Variants in SMN2 observed in about 807,000 individuals in gnomAD.
SMN2 encodes survival motor neuron protein.
In SMN2, 1 loss-of-function variant was observed where a neutral mutation model predicts 2.8. The ratio of observed to expected loss-of-function variants is 0.35; its 90% CI spans 0.13 to 1.68. SMN2 has a LOEUF of 1.68. SMN2 is among the 40% of genes most tolerant of loss of function. The probability of loss-of-function intolerance (pLI) is 0.35; values close to 1 mark genes in which losing one functional copy is unlikely to be tolerated. For synonymous variants in SMN2, 5 were observed against 5.0 expected (o/e 0.99, Z 0.01); for missense variants, 12 against 16.9 (o/e 0.71, Z 0.51).
Position 70,051,915 on chromosome 5 carries a change from G to A in SMN2, c.81+2149G>A, listed in dbSNP as rs1356871852. On this transcript the variant is annotated intron_variant, in intron 1 of 8. Transcript: ENST00000380743. The stretch of plus-strand genomic sequence containing the variant: ...TAAGAAAGGAAGTGAGAGGCCGGGC[G>A]CGGTGGCTCACGCCTGTAATCCCAG... Among the ~76,000 whole-genome samples the A allele has an allele frequency of 2.8e-4, 3 of 10,772 alleles. No individual in the cohort carries two copies. The South Asian group carries it at 6.1e-3, about 22-fold the overall frequency. 7.1% of individuals were successfully genotyped at this position (10,772 alleles called of 152,430 possible). A position where few individuals can be genotyped will look rare whatever the true frequency, so the allele number is the denominator to read the frequency against.
downstream of SMN2, among the ~76,000 whole-genome samples, chr5:70,079,477 C>T (rs551356189): frequency 9.8e-4 from 146 of 148,306 alleles, no homozygotes; most frequent in Middle Eastern, 0.01. Flanking sequence ...AACTCTGGGC[C>T]AGGCACGGTG....
the SMN2 span, among the ~76,000 whole-genome samples, chr5:70,088,753 T>TA: frequency 2.7e-5 from 2 of 73,542 alleles, no homozygotes; most frequent in South Asian, 5.1e-4. Flanking sequence ...TGGAACTTCT[T>TA]AGAGACTAGA....
At chr5:70,084,434 G>C in the SMN2 span, among the ~76,000 whole-genome samples, 9 of 130,430 alleles carry the variant, frequency 6.9e-5, no homozygotes, top group Non-Finnish European at 1.4e-4. Context: ...TGATCTGCTC[G>C]CCTTGGCCTC....
chr5:70,082,133 G>A (rs7705237), downstream of SMN2, among the ~76,000 whole-genome samples: 3,417 of 130,398 alleles, frequency 0.026, 613 homozygotes, highest in African/African-American at 0.11. Context: ...TGTGGTTTTT[G>A]TCTTTGGTTC....
downstream of SMN2, among the ~76,000 whole-genome samples, chr5:70,081,933 C>G (rs1312736896): frequency 9.3e-5 from 9 of 96,982 alleles, 1 homozygote; most frequent in African/African-American, 4.7e-4. Context: ...GCATCCCTGT[C>G]TTGTGCGTGT....
chr5:70,074,717 G>A lies in SMN2; in HGVS notation c.835-1804G>A, dbSNP rs1354564874. On this transcript the variant is annotated intron_variant, in intron 7 of 8. Transcript: ENST00000380743. Reference sequence around the variant, plus strand: ...TACTGAAAGAAGAAAAATCAGCTGGGCGCAGTGGCTCACGCCGGTAATCCC... The same window carrying A: ...TACTGAAAGAAGAAAAATCAGCTGGACGCAGTGGCTCACGCCGGTAATCCC... Among the ~76,000 whole-genome samples, 3 of 128,122 alleles carry A rather than the reference G, an allele frequency of 2.3e-5. 1 individual carries two copies. Among genetic ancestry groups the A allele is most frequent in the Admixed American group, 8.0e-5 (1 of 12,496 alleles). 84.1% of individuals were successfully genotyped at this position (128,122 alleles called of 152,430 possible).
Position 70,076,503 on chromosome 5 carries a change from C to A in SMN2, c.835-18C>A. ...TCTATATAGCTATTTTTTTTAACTT[C>A]CTTTATTTTCCTTACAGGGTTTTAG... is the stretch of plus-strand genomic sequence containing the variant. On this transcript the variant is annotated intron_variant, in intron 7 of 8. Transcript: ENST00000380743. 7.0e-7 allele frequency: 1 copy of A among 1,436,486 alleles called. No individual in the cohort carries two copies. Among genetic ancestry groups the A allele is most frequent in the Non-Finnish European group, 9.5e-7 (1 of 1,055,816 alleles). 89.0% of individuals were successfully genotyped at this position (1,436,486 alleles called of 1,614,324 possible). A position where few individuals can be genotyped will look rare whatever the true frequency, so the allele number is the denominator to read the frequency against.
chr5:70,071,520 T>TA (rs1478358315), intron 7 of SMN2: 26 of 105,512 alleles, frequency 2.5e-4, no homozygotes, highest in African/African-American at 1.0e-3. Flanking sequence ...TATTTTATTT[T>TA]TTTTTTTTTT....
downstream of SMN2, among the ~76,000 whole-genome samples, chr5:70,079,590 C>T (rs1774826282): frequency 7.3e-6 from 1 of 137,544 alleles, no homozygotes. Context: ...ACCCCTGACT[C>T]TACAAAACAT....
downstream of SMN2, among the ~76,000 whole-genome samples, chr5:70,082,154 C>T (rs1309605678): frequency 2.7e-3 from 341 of 127,486 alleles, no homozygotes; most frequent in Middle Eastern, 0.011. Flanking sequence ...TGTTTATATG[C>T]TGGATTACAT....
In SMN2 at chr5:70,075,861, A is replaced by T. The variant is rs1213344842; in HGVS notation, c.835-660A>T. 2.9e-4 allele frequency among the ~76,000 whole-genome samples: 31 copies of T among 107,676 alleles called. 1 individual carries two copies. In the East Asian group the frequency reaches 3.6e-3, roughly 13 times the overall value. The allele number at this position is 107,676 out of a possible 152,430, so 70.6% of individuals were successfully genotyped here. A position where few individuals can be genotyped will look rare whatever the true frequency, so the allele number is the denominator to read the frequency against. On this transcript the variant is annotated intron_variant, in intron 7 of 8. Coordinates refer to ENST00000380743, the MANE Select transcript of SMN2 (RefSeq NM_017411.4). ...GGCTAATTTTTATTTTTATTTATTT[A>T]TTTTTTTTTGAGACAGAGTCTTGCT...
chr5:70,083,791 T>G, the SMN2 span, among the ~76,000 whole-genome samples: 64 of 125,270 alleles, frequency 5.1e-4, 7 homozygotes, highest in South Asian at 1.0e-3. Context: ...ATCACACTCT[T>G]GGGACTGTTG....
the SMN2 span, among the ~76,000 whole-genome samples, chr5:70,084,134 A>G: frequency 1.3e-5 from 1 of 75,526 alleles, no homozygotes; most frequent in East Asian, 3.2e-4. Context: ...CATCTTTAGG[A>G]TTAAGTATCT....
downstream of SMN2, among the ~76,000 whole-genome samples, chr5:70,083,400 C>T: frequency 7.3e-6 from 1 of 136,462 alleles, no homozygotes; most frequent in South Asian, 2.3e-4. Flanking sequence ...GTGGCGATTC[C>T]TCAGGGATCT....
At chr5:70,079,161 G>A (rs1437347023), downstream of SMN2, among the ~76,000 whole-genome samples, 19 of 119,562 alleles carry the variant, frequency 1.6e-4, no homozygotes, top group African/African-American at 3.6e-4. Flanking sequence ...AGCTGGGCGC[G>A]GCAGCTCACA....
intron 7 of SMN2, among the ~76,000 whole-genome samples, chr5:70,075,549 A>G (rs1774724431): frequency 8.1e-6 from 1 of 123,200 alleles, no homozygotes; most frequent in Non-Finnish European, 1.7e-5. Context: ...GGATTTCTCC[A>G]TGTTGGTCAG....
chr5:70,076,428 A>T, intron 7 of SMN2, 93 bp from the exon 8 acceptor site: 1 of 681,952 alleles, frequency 1.5e-6, no homozygotes, highest in East Asian at 2.9e-5. Context: ...CTTGTGAAAC[A>T]AAATGCTTTT....
the SMN2 span, among the ~76,000 whole-genome samples, chr5:70,085,471 G>C: frequency 1.7e-5 from 2 of 120,542 alleles, 1 homozygote; most frequent in African/African-American, 7.8e-5. Context: ...TTGAACTCCT[G>C]ACCTCAAGTG....
downstream of SMN2, among the ~76,000 whole-genome samples, chr5:70,079,300 G>C (rs1302801552): frequency 6.9e-6 from 1 of 145,708 alleles, no homozygotes; most frequent in Non-Finnish European, 1.5e-5. Flanking sequence ...CGGCATGGTG[G>C]CACGCCCTGT....
Sources: allele counts gnomAD v4.1 joint callset (sites outside exome capture counted in the v4.1 genomes callset), GRCh38; gene constraint gnomAD v4.1.1; transcripts MANE v1.5; gene names NCBI Gene and HGNC (gene_info 2026-07-23, HGNC 2026-07-21).